KIAA0319L: variants seen among roughly 807,000 people sequenced by gnomAD.
The protein encoded by KIAA0319L is dyslexia-associated protein KIAA0319-like protein.
Under a neutral mutation model 120.1 loss-of-function variants are expected in KIAA0319L, and 55 were observed. The ratio of observed to expected loss-of-function variants is 0.46; its 90% CI spans 0.37 to 0.57. The LOEUF (loss-of-function observed/expected upper bound fraction) is 0.57, where lower values mean the gene tolerates loss of function less well. Ranked by LOEUF, KIAA0319L falls within the 20% of genes least tolerant of loss-of-function variation. KIAA0319L has a pLI of 0.00. For synonymous variants in KIAA0319L, 398 were observed against 471.9 expected (o/e 0.84, Z 2.03); for missense variants, 1,049 against 1,255.3 (o/e 0.84, Z 2.48).
intron 1 of KIAA0319L, among the ~76,000 whole-genome samples, chr1:35,555,636 A>G (rs1296710928): frequency 6.6e-6 from 1 of 152,228 alleles, no homozygotes; most frequent in East Asian, 1.9e-4. Context: ...TCAAGAGATT[A>G]TGAAATGGAG....
chr1:35,543,658 C>T (rs1646877142), intron 2 of KIAA0319L, among the ~76,000 whole-genome samples: 1 of 152,212 alleles, frequency 6.6e-6, no homozygotes, highest in Admixed American at 6.5e-5. Context: ...GCAAGGCCTA[C>T]AGGTACCTTT....
chr1:35,460,154 G>C (rs1286626680), intron 9 of KIAA0319L, 151 bp downstream of exon 9: 4 of 652,660 alleles, frequency 6.1e-6, no homozygotes, highest in African/African-American at 5.5e-5. Flanking sequence ...AATCACCATA[G>C]GGCTCAGAGA....
At chr1:35,478,422 AT>A (rs1219765802) in intron 4 of KIAA0319L, among the ~76,000 whole-genome samples, 1 of 152,182 alleles carries the variant, frequency 6.6e-6, no homozygotes, top group African/African-American at 2.4e-5. Flanking sequence ...ATATAACTGG[AT>A]TGTTTGTAAC....
At chr1:35,450,291 A>G in intron 14 of KIAA0319L, 67 bp downstream of exon 14, 1 of 1,495,084 alleles carries the variant, frequency 6.7e-7, no homozygotes. Context: ...ATTAAAGCAT[A>G]TACTGGAACG....
intron 2 of KIAA0319L, 111 bp from the exon 3 acceptor site, chr1:35,507,246 G>A (rs945423300): frequency 2.7e-6 from 3 of 1,123,682 alleles, no homozygotes; most frequent in Non-Finnish European, 3.7e-6. Context: ...GAGTTTTTAA[G>A]AGGGTGAGAA....
At chr1:35,459,139 G>A (rs1225139292) in intron 9 of KIAA0319L, among the ~76,000 whole-genome samples, 2 of 152,104 alleles carry the variant, frequency 1.3e-5, no homozygotes, top group Non-Finnish European at 2.9e-5. Flanking sequence ...AAAGAGGAGA[G>A]CCATATTCTC....
At position 35,506,397 on chromosome 1, in the gene KIAA0319L, A is replaced by G. The variant is rs375747414; in HGVS notation, c.666+215T>C. Among the ~76,000 whole-genome samples the G allele has an allele frequency of 4.1e-4, 63 of 152,322 alleles. No homozygotes were observed. Among genetic ancestry groups the G allele is most frequent in the Non-Finnish European group, 7.6e-4 (52 of 68,026 alleles). The stretch of plus-strand genomic sequence containing the variant: ...AATGAGCAGCTTTCTGCATTTACCA[A>G]AACAATGGTCAGACCTACATAGCAT... On this transcript the variant is annotated intron_variant, in intron 3 of 20. Transcript: ENST00000325722. This position sits in a 1 kb window ranked among gnomAD's most constrained non-coding sequence, Gnocchi z 4.0.
chr1:35,435,979 G>A (rs1257683950), intron 20 of KIAA0319L, among the ~76,000 whole-genome samples: 1 of 152,140 alleles, frequency 6.6e-6, no homozygotes, highest in Admixed American at 6.5e-5. Flanking sequence ...TCCTGGGAAT[G>A]CCCACGCCCA....
At chr1:35,547,389 A>G (rs942404349) in intron 2 of KIAA0319L, among the ~76,000 whole-genome samples, 47 of 151,682 alleles carry the variant, frequency 3.1e-4, no homozygotes, top group Admixed American at 2.4e-3. Flanking sequence ...TTATATATAC[A>G]GATATCCAAG....
chr1:35,442,108 CCTTAGGTGGGTCAGAACT>C, intron 19 of KIAA0319L, 120 bp downstream of exon 19: 1 of 707,638 alleles, frequency 1.4e-6, no homozygotes, highest in Non-Finnish European at 2.6e-6. Flanking sequence ...CCCGTGCATG[CCTTAGGTGGGTCAGAACT>C]CTCTAATGCT....
chr1:35,469,769 TA>T (rs1416331756), intron 6 of KIAA0319L, among the ~76,000 whole-genome samples: 1 of 151,918 alleles, frequency 6.6e-6, no homozygotes, highest in African/African-American at 2.4e-5. Flanking sequence ...ACATTAAAAT[TA>T]TAACTAATTC....
At chr1:35,462,788 T>G (rs1335527437) in intron 7 of KIAA0319L, 75 bp from the exon 8 acceptor site, 12 of 1,190,158 alleles carry the variant, frequency 1.0e-5, no homozygotes, top group Admixed American at 9.1e-5. Context: ...TCTGAGAGGA[T>G]TATAAATCAA....
intron 1 of KIAA0319L, among the ~76,000 whole-genome samples, chr1:35,555,945 A>T (rs1218854451): frequency 6.6e-6 from 1 of 152,226 alleles, no homozygotes; most frequent in African/African-American, 2.4e-5. Context: ...AGGCAGAGTT[A>T]ATTTCATTTG....
At chr1:35,486,721 C>T (rs1051057412) in intron 3 of KIAA0319L, among the ~76,000 whole-genome samples, 1 of 127,368 alleles carries the variant, frequency 7.9e-6, no homozygotes, top group South Asian at 2.4e-4. Context: ...CACAACATAG[C>T]GAGACCCCAT....
chr1:35,494,500 A>C (rs1230130910), intron 3 of KIAA0319L, among the ~76,000 whole-genome samples: 3 of 152,056 alleles, frequency 2.0e-5, no homozygotes, highest in Non-Finnish European at 4.4e-5. Flanking sequence ...CATATATTAC[A>C]AAGCTAGAGT....
chr1:35,449,047 A>T (rs1003900737), intron 15 of KIAA0319L, among the ~76,000 whole-genome samples: 2 of 152,232 alleles, frequency 1.3e-5, no homozygotes, highest in Admixed American at 1.3e-4. Context: ...GTTCTGATGT[A>T]TAATTTGCAT....
rs762583371 is a variant in KIAA0319L at position 35,506,752 on chromosome 1, A to T, written c.526T>A (p.Ser176Thr). The change falls in exon 3 of 21, where the codon TCC (serine) becomes ACC (threonine). Residue 176 changes from serine (S) to threonine (T), a missense_variant. Coordinates refer to ENST00000325722, the MANE Select transcript of KIAA0319L (RefSeq NM_024874.5). The surrounding 1 kb of genome is among the most constrained non-coding windows in gnomAD (Gnocchi z 4.0). ...CTGATTAAGCTCTGCTGGTCACTGG[A>T]AGATACAGCAGGTCTGAGTGCAGCT... ...PRAALRPAVSSSDQQSLIRKL... is the reference protein window; with the variant it reads ...PRAALRPAVSTSDQQSLIRKL... The T allele has an allele frequency of 6.2e-7, 1 of 1,614,194 alleles. No individual in the cohort carries two copies. The highest frequency in any genetic ancestry group is 8.5e-7 in the Non-Finnish European group (1 of 1,180,028).
At chr1:35,509,403 G>T (rs976481114) in intron 2 of KIAA0319L, among the ~76,000 whole-genome samples, 7 of 152,170 alleles carry the variant, frequency 4.6e-5, no homozygotes, top group African/African-American at 1.4e-4. Context: ...TGTCTAGAGG[G>T]ACATTCGTAA....
Position 35,436,472 on chromosome 1 carries a change from G to A in KIAA0319L, c.2963-1391C>T, listed in dbSNP as rs1570589736. ...CCGCCAGGACATCTCCAGTGTGGTGGGGACAGTGGAAAGGGCCCTGGCAAG... is the reference window on the plus strand; with the variant it reads ...CCGCCAGGACATCTCCAGTGTGGTGAGGACAGTGGAAAGGGCCCTGGCAAG... On this transcript the variant is annotated intron_variant, in intron 20 of 20. Coordinates refer to ENST00000325722, the MANE Select transcript of KIAA0319L (RefSeq NM_024874.5). Among the ~76,000 whole-genome samples the A allele has an allele frequency of 2.0e-5, 3 of 152,316 alleles. No homozygotes were observed. In the South Asian group the frequency reaches 6.2e-4, roughly 32 times the overall value.
Sources: gnomAD v4.1 joint callset for allele counts (sites outside exome capture counted in the v4.1 genomes callset) on GRCh38, gnomAD v4.1.1 for gene constraint, Gnocchi (gnomAD v3.1) non-coding constraint, MANE v1.5 for transcripts, NCBI Gene and HGNC (gene_info 2026-07-23, HGNC 2026-07-21) for gene names.